NDUFV2: variants seen among roughly 807,000 people sequenced by gnomAD.
The protein encoded by NDUFV2 is NADH dehydrogenase [ubiquinone] flavoprotein 2, mitochondrial.
A neutral mutation model predicts 31.6 loss-of-function variants in NDUFV2; 18 were observed. The observed-to-expected ratio is 0.57, with a 90% confidence interval of 0.39 to 0.84. NDUFV2 has a LOEUF of 0.84. Among genes scored for constraint, NDUFV2 ranks in the 40% least tolerant of loss-of-function variants. NDUFV2 has a pLI of 0.00. For missense variants in NDUFV2, 314 were observed against 303.6 expected (o/e 1.03, Z -0.26); for synonymous variants, 83 against 99.8 (o/e 0.83, Z 1.01).
intron 7 of NDUFV2, among the ~76,000 whole-genome samples, chr18:9,128,426 A>G (rs1268752748): frequency 2.6e-5 from 4 of 152,238 alleles, no homozygotes; most frequent in African/African-American, 9.6e-5. Context: ...TTCTTTTCTA[A>G]GAAACGTATA....
intron 5 of NDUFV2, 70 bp downstream of exon 5, chr18:9,122,751 AT>A: frequency 1.9e-6 from 3 of 1,551,934 alleles, no homozygotes; most frequent in Non-Finnish European, 2.7e-6. Context: ...GTACATTTCT[AT>A]CTAAAATTTC....
chr18:9,102,951 T>C, intron 1 of NDUFV2, 154 bp downstream of exon 1: 2 of 683,800 alleles, frequency 2.9e-6, no homozygotes, highest in East Asian at 3.3e-5. Flanking sequence ...GGGAGGCCGC[T>C]GCAGCCCCAC....
intron 1 of NDUFV2, among the ~76,000 whole-genome samples, chr18:9,112,017 GTTTTTT>G (rs10659823): frequency 8.2e-6 from 1 of 122,384 alleles, no homozygotes; most frequent in Admixed American, 8.8e-5. Context: ...CATCAGAAGG[GTTTTTT>G]TTTTTTTTTT....
intron 7 of NDUFV2, 73 bp from the exon 8 acceptor site, chr18:9,134,108 TGTGAG>T: frequency 9.2e-7 from 1 of 1,083,106 alleles, no homozygotes; most frequent in Non-Finnish European, 1.4e-6. Context: ...ACTGGGCTCT[TGTGAG>T]GTAACCATTA....
intron 1 of NDUFV2, chr18:9,117,442 A>G (rs1175007316): frequency 4.3e-6 from 1 of 229,950 alleles, no homozygotes; most frequent in Non-Finnish European, 8.8e-6. Flanking sequence ...TCATTTGTAC[A>G]GAATGAAAAC....
chr18:9,129,011 C>T (rs1057131647), intron 7 of NDUFV2, among the ~76,000 whole-genome samples: 9 of 152,096 alleles, frequency 5.9e-5, no homozygotes, highest in African/African-American at 2.2e-4. Context: ...GATCTCGACT[C>T]ACTGCAACTT....
At chr18:9,124,737 C>T (rs760812791) in intron 5 of NDUFV2, 137 bp from the exon 6 acceptor site, 130 of 813,340 alleles carry the variant, frequency 1.6e-4, no homozygotes, top group African/African-American at 2.3e-4. Context: ...CGTGAGCCAC[C>T]GCGCCTGGCC....
intron 1 of NDUFV2, among the ~76,000 whole-genome samples, chr18:9,112,233 G>A (rs1461339946): frequency 6.6e-6 from 1 of 151,878 alleles, no homozygotes; most frequent in Non-Finnish European, 1.5e-5. Flanking sequence ...TGGCCAGGCT[G>A]ATCTCGAACT....
intron 4 of NDUFV2, 123 bp from the exon 5 acceptor site, chr18:9,122,390 C>G: frequency 1.2e-6 from 1 of 869,508 alleles, no homozygotes; most frequent in Non-Finnish European, 1.8e-6. Context: ...GTTTTCTGCT[C>G]TTGAAGAACT....
chr18:9,108,394 C>A (rs1292112759), intron 1 of NDUFV2, among the ~76,000 whole-genome samples: 1 of 152,144 alleles, frequency 6.6e-6, no homozygotes, highest in Non-Finnish European at 1.5e-5. Flanking sequence ...GTACTGAAGT[C>A]AGGAAAATCT....
intron 1 of NDUFV2, among the ~76,000 whole-genome samples, chr18:9,113,301 A>T (rs2077880998): frequency 6.6e-6 from 1 of 152,206 alleles, no homozygotes; most frequent in African/African-American, 2.4e-5. Flanking sequence ...GGTTTCTTTT[A>T]TGATGTCTCT....
chr18:9,104,096 T>A, intron 1 of NDUFV2: 1 of 1,589,402 alleles, frequency 6.3e-7, no homozygotes, highest in Non-Finnish European at 8.6e-7. Flanking sequence ...GTGCATAAGA[T>A]TTTTCCTGAA....
intron 1 of NDUFV2, among the ~76,000 whole-genome samples, chr18:9,108,625 A>G (rs940861166): frequency 5.3e-5 from 8 of 152,122 alleles, no homozygotes; most frequent in African/African-American, 1.9e-4. Context: ...AGATTTCACA[A>G]TTATTAACCC....
Position 9,122,694 on chromosome 18 carries a change from T to A in NDUFV2, c.469+13T>A, listed in dbSNP as rs755391317. The A allele has an allele frequency of 3.1e-6, 5 of 1,613,320 alleles. No homozygotes were observed. Among genetic ancestry groups the A allele is most frequent in the Non-Finnish European group, 4.2e-6 (5 of 1,179,426 alleles). On this transcript the variant is annotated intron_variant, in intron 5 of 7. Coordinates refer to ENST00000318388, the MANE Select transcript of NDUFV2 (RefSeq NM_021074.5). ...CAGAAAAAGCTTGGTAGGGAATACA[T>A]GATATTTGTAACACTGATAAAAAGT...
Position 9,117,908 on chromosome 18 carries a change from GTAAT to G in NDUFV2, c.120+8_120+11del. On this transcript the variant is annotated splice_donor_region_variant and intron_variant, in intron 2 of 7. Coordinates refer to ENST00000318388, the MANE Select transcript of NDUFV2 (RefSeq NM_021074.5). ...GCTGGAGGAGCTTTATTTGTGGTAAGTAATTACTTAGATTTCTTTGGAAAGAAAA... is the reference window on the plus strand; with the variant it reads ...GCTGGAGGAGCTTTATTTGTGGTAAGTACTTAGATTTCTTTGGAAAGAAAA... 2 of 1,576,424 alleles carry G rather than the reference GTAAT, an allele frequency of 1.3e-6. No individual in the cohort carries two copies. The highest frequency in any genetic ancestry group is 1.7e-6 in the Non-Finnish European group (2 of 1,145,894).
chr18:9,102,722 A>T lies in NDUFV2; in HGVS notation c.-22A>T. The stretch of plus-strand genomic sequence containing the variant: ...GGATTCTCGCCTGGCGCGGCTGGGG[A>T]AGGTGAACAGTGTGGCCCGCCATGT... On this transcript the variant is annotated 5_prime_UTR_variant, in exon 1 of 8. Transcript: ENST00000318388. 1 of 1,579,238 alleles carries T rather than the reference A, an allele frequency of 6.3e-7. No homozygotes were observed. Among genetic ancestry groups the T allele is most frequent in the Non-Finnish European group, 8.6e-7 (1 of 1,165,444 alleles).
chr18:9,121,479 T>TAA (rs2077935094), intron 4 of NDUFV2: 1 of 152,224 alleles, frequency 6.6e-6, no homozygotes, highest in South Asian at 2.1e-4. Context: ...ATAGCACAAT[T>TAA]ACTTTATCTG....
In NDUFV2 at chr18:9,102,748, T is replaced by G; in HGVS notation, c.5T>G (p.Phe2Cys). 6.3e-7 allele frequency: 1 copy of G among 1,576,160 alleles called. No individual in the cohort carries two copies. The highest frequency in any genetic ancestry group is 8.6e-7 in the Non-Finnish European group (1 of 1,159,376). The change falls in exon 1 of 8, where the codon TTC (phenylalanine) becomes TGC (cysteine). Residue 2 changes from phenylalanine to cysteine, a missense_variant. Phe to Cys is a radical substitution (Grantham distance 205). Transcript: ENST00000318388. ...AGGTGAACAGTGTGGCCCGCCATGT[T>G]CTTCTCCGCGGCGCTCCGGGCCCGG... is the stretch of plus-strand genomic sequence containing the variant. M[F>C]FSAALRARAA...
rs535542534 is a variant in NDUFV2, at chr18:9,111,585, C to T, written c.55-6253C>T. 7.4e-4 allele frequency among the ~76,000 whole-genome samples: 112 copies of T among 151,910 alleles called. 4 individuals are homozygous for T. The highest frequency in any genetic ancestry group is 2.5e-3 in the African/African-American group (103 of 41,266). ...CTGGGATTACAGGCACGTGCCACCA[C>T]GCCCAGCTAATTTTTGTATTTTTAG... On this transcript the variant is annotated intron_variant, in intron 1 of 7. Transcript: ENST00000318388.
Sources: gnomAD v4.1 joint callset for allele counts (sites outside exome capture counted in the v4.1 genomes callset) on GRCh38, gnomAD v4.1.1 for gene constraint, MANE v1.5 for transcripts, NCBI Gene and HGNC (gene_info 2026-07-23, HGNC 2026-07-21) for gene names.